The following ACTR3B variants were observed in gnomAD, a reference collection of about 807,000 sequenced individuals.
ACTR3B encodes actin related protein 3B.
Under a neutral mutation model 59.0 loss-of-function variants are expected in ACTR3B, and 8 were observed. The observed-to-expected ratio is 0.14, with a 90% CI of 0.08 to 0.24. The LOEUF (loss-of-function observed/expected upper bound fraction) is 0.24, where lower values mean the gene tolerates loss of function less well. Among genes scored for constraint, ACTR3B ranks in the 10% least tolerant of loss-of-function variants. The pLI is 1.00. For synonymous variants in ACTR3B, 148 were observed against 197.9 expected, an observed-to-expected ratio of 0.75 and a Z score of 2.12; for missense variants, 245 against 552.3, an observed-to-expected ratio of 0.44 and a Z score of 5.58.
At chr7:152,821,748 T>C (rs1796181932) in intron 7 of ACTR3B, among the ~76,000 whole-genome samples, 1 of 152,230 alleles carries the variant, frequency 6.6e-6, no homozygotes, top group African/African-American at 2.4e-5. Context: ...TCAGCTGCCC[T>C]GGCCCTGCTG....
intron 3 of ACTR3B, 94 bp from the exon 4 acceptor site, chr7:152,801,527 T>C: frequency 6.5e-7 from 1 of 1,541,920 alleles, no homozygotes; most frequent in Non-Finnish European, 8.8e-7. Flanking sequence ...GATACCTTTA[T>C]TCTTAATAAC....
chr7:152,814,650 A>T lies in ACTR3B; in HGVS notation c.432+5A>T. 1 of 1,609,734 alleles carries T rather than the reference A, an allele frequency of 6.2e-7. No individual in the cohort carries two copies. The highest frequency in any genetic ancestry group is 8.5e-7 in the Non-Finnish European group (1 of 1,176,406). On this transcript the variant is annotated splice_donor_5th_base_variant and intron_variant, in intron 5 of 11. Coordinates refer to ENST00000256001, the MANE Select transcript of ACTR3B (RefSeq NM_020445.6). ...GGACTCTACATTGCAGTTCAGGTAA[A>T]ACCAGTTACGTTTGTGATTCCTAAA...
intron 1 of ACTR3B, among the ~76,000 whole-genome samples, chr7:152,771,831 T>A (rs1412022538): frequency 6.6e-6 from 1 of 152,156 alleles, no homozygotes; most frequent in Non-Finnish European, 1.5e-5. Flanking sequence ...ATCCCAGCAC[T>A]TTGGGAAGCC....
At chr7:152,849,110 C>G (rs972503358) in intron 9 of ACTR3B, among the ~76,000 whole-genome samples, 2 of 152,136 alleles carry the variant, frequency 1.3e-5, no homozygotes, top group East Asian at 3.8e-4. Context: ...TTGGCCACGC[C>G]GACAGAGTTT....
chr7:152,830,789 G>C (rs1263431932), intron 9 of ACTR3B, among the ~76,000 whole-genome samples: 2 of 152,134 alleles, frequency 1.3e-5, no homozygotes, highest in Non-Finnish European at 2.9e-5. Flanking sequence ...GGCCTCAAGT[G>C]ATCATCCTGC....
intron 1 of ACTR3B, among the ~76,000 whole-genome samples, chr7:152,766,230 A>G (rs1028424825): frequency 5.9e-5 from 9 of 152,200 alleles, no homozygotes; most frequent in African/African-American, 2.2e-4. Flanking sequence ...CCGAGTCCTC[A>G]CCCAGTGCAG....
intron 4 of ACTR3B, among the ~76,000 whole-genome samples, chr7:152,803,882 G>C (rs2098244277): frequency 1.3e-5 from 2 of 152,176 alleles, no homozygotes; most frequent in African/African-American, 4.8e-5. Flanking sequence ...TGTGGTTGAG[G>C]AAGTGATGAG....
chr7:152,761,396 T>C (rs919216712), intron 1 of ACTR3B, among the ~76,000 whole-genome samples: 18 of 152,234 alleles, frequency 1.2e-4, no homozygotes, highest in Admixed American at 2.6e-4. Flanking sequence ...TTTGTAGTTT[T>C]AGTCTTGCAG....
At position 152,839,417 on chromosome 7, in the gene ACTR3B, A is replaced by G. The variant is rs1422493092; in HGVS notation, c.952-12709A>G. ...GCTTGTTCAGTTGTGTGACTTTGGC[A>G]GGTTACTTGATCTCACTGTGCCTCA... On this transcript the variant is annotated intron_variant, in intron 9 of 11. Transcript: ENST00000256001. Among the ~76,000 whole-genome samples the G allele has an allele frequency of 4.9e-5, 7 of 143,232 alleles. 1 individual carries two copies. The highest frequency in any genetic ancestry group is 1.1e-4 in the Non-Finnish European group (7 of 66,498). 94.0% of individuals were successfully genotyped at this position (143,232 alleles called of 152,430 possible). A position where few individuals can be genotyped will look rare whatever the true frequency, so the allele number is the denominator to read the frequency against.
At chr7:152,791,856 A>G (rs1273347010) in intron 2 of ACTR3B, among the ~76,000 whole-genome samples, 1 of 152,186 alleles carries the variant, frequency 6.6e-6, no homozygotes, top group Non-Finnish European at 1.5e-5. Flanking sequence ...TACATCATAC[A>G]CTAAATACTA....
chr7:152,839,025 C>G (rs749556981), intron 9 of ACTR3B, among the ~76,000 whole-genome samples: 19 of 151,640 alleles, frequency 1.3e-4, no homozygotes, highest in Non-Finnish European at 2.5e-4. Context: ...CATTGTTTGA[C>G]TTGCGACCTG....
intron 9 of ACTR3B, among the ~76,000 whole-genome samples, chr7:152,850,903 A>G (rs2117016487): frequency 6.6e-6 from 1 of 152,316 alleles, no homozygotes; most frequent in Non-Finnish European, 1.5e-5. Context: ...ACTCGGGAAG[A>G]GCTAACATAT....
chr7:152,814,634 A>G lies in ACTR3B; in HGVS notation c.421A>G (p.Ile141Val). ...FESFNVPGLYIAVQAVLALAA... is the reference protein window; with the variant it reads ...FESFNVPGLYVAVQAVLALAA... Reference sequence around the variant, plus strand: ...ATCATTTAACGTACCAGGACTCTACATTGCAGTTCAGGTAAAACCAGTTAC... The same window carrying G: ...ATCATTTAACGTACCAGGACTCTACGTTGCAGTTCAGGTAAAACCAGTTAC... The change falls in exon 5 of 12, where the codon ATT becomes GTT. Residue 141 changes from isoleucine to valine, a missense_variant. Coordinates refer to ENST00000256001, the MANE Select transcript of ACTR3B (RefSeq NM_020445.6). 7 of 1,613,244 alleles carry G rather than the reference A, an allele frequency of 4.3e-6. No homozygotes were observed. Among genetic ancestry groups the G allele is most frequent in the Non-Finnish European group, 5.9e-6 (7 of 1,179,248 alleles).
At chr7:152,853,606 C>G (rs1799017712) in intron 11 of ACTR3B, 29 bp downstream of exon 11, 3 of 1,591,222 alleles carry the variant, frequency 1.9e-6, no homozygotes, top group Non-Finnish European at 2.6e-6. Flanking sequence ...GGCTCTGTGT[C>G]TCCATTCCTG....
In ACTR3B at chr7:152,759,834, C is replaced by T. The variant is rs2098083323; in HGVS notation, c.-49C>T. On this transcript the variant is annotated 5_prime_UTR_variant, in exon 1 of 12. It adds an upstream start codon to the 5' untranslated region. Transcript: ENST00000256001. Reference sequence around the variant, plus strand: ...TAGCGGGCGGCGGAGCGGACGGCGACGGGGCGCTCTCGGGCTGCCGGCGGG... The same window carrying T: ...TAGCGGGCGGCGGAGCGGACGGCGATGGGGCGCTCTCGGGCTGCCGGCGGG... 1.7e-6 allele frequency: 2 copies of T among 1,210,710 alleles called. No homozygotes were observed. The highest frequency in any genetic ancestry group is 3.4e-5 in the East Asian group (1 of 29,290). The allele number at this position is 1,210,710 out of a possible 1,614,324, so 75.0% of individuals were successfully genotyped here.
chr7:152,791,243 T>C (rs1475199490), intron 2 of ACTR3B, among the ~76,000 whole-genome samples: 1 of 152,154 alleles, frequency 6.6e-6, no homozygotes, highest in African/African-American at 2.4e-5. Flanking sequence ...ACTCCTGGCC[T>C]CAAGCTGTCC....
At chr7:152,771,082 G>C (rs887039101) in intron 1 of ACTR3B, among the ~76,000 whole-genome samples, 7 of 150,698 alleles carry the variant, frequency 4.6e-5, no homozygotes, top group African/African-American at 1.7e-4. Context: ...TCCTGCCTCA[G>C]CCTCCCGAGT....
chr7:152,837,269 G>A (rs1797538507), intron 9 of ACTR3B, among the ~76,000 whole-genome samples: 1 of 152,220 alleles, frequency 6.6e-6, no homozygotes. Flanking sequence ...AGTAAGCACT[G>A]TTGCTTTACT....
intron 2 of ACTR3B, among the ~76,000 whole-genome samples, chr7:152,788,488 T>C (rs556634440): frequency 2.3e-4 from 34 of 148,918 alleles, no homozygotes; most frequent in Non-Finnish European, 4.4e-4. Context: ...CTCAGCTCAC[T>C]GCAATATCCA....
Sources: allele counts gnomAD v4.1 joint callset (sites outside exome capture counted in the v4.1 genomes callset), GRCh38; gene constraint gnomAD v4.1.1; transcripts MANE v1.5; gene names NCBI Gene and HGNC (gene_info 2026-07-23, HGNC 2026-07-21).